Variants in LRRC37A2 observed in about 807,000 individuals in gnomAD.
LRRC37A2 encodes leucine-rich repeat-containing protein 37A2.
In LRRC37A2, 9 loss-of-function variants were observed where a neutral mutation model predicts 68.8. That is an observed-to-expected ratio of 0.13 (90% CI 0.08 to 0.23). LRRC37A2 has a LOEUF of 0.23. LRRC37A2 is among the 10% of genes least tolerant of loss of function. The pLI, the probability that LRRC37A2 is intolerant of heterozygous loss-of-function variation, is 1.00. For missense variants in LRRC37A2, 168 were observed against 950.4 expected (o/e 0.18, Z 10.82); for synonymous variants, 63 against 367.6 (o/e 0.17, Z 9.48).
chr17:46,722,637 A>G, the LRRC37A2 span, among the ~76,000 whole-genome samples: 3 of 152,330 alleles, frequency 2.0e-5, no homozygotes, highest in Non-Finnish European at 4.4e-5. Context: ...TGGGCCAGAA[A>G]GGGTGAAAGG....
At chr17:46,976,949 A>G in the LRRC37A2 span, among the ~76,000 whole-genome samples, 1 of 152,176 alleles carries the variant, frequency 6.6e-6, no homozygotes, top group Non-Finnish European at 1.5e-5. Flanking sequence ...TCCCCCAGAG[A>G]CACTTTACAA....
chr17:46,824,633 A>T, the LRRC37A2 span, among the ~76,000 whole-genome samples: 1 of 152,078 alleles, frequency 6.6e-6, no homozygotes, highest in Non-Finnish European at 1.5e-5. Context: ...CCACAAAGAA[A>T]CTCCCTCCAC....
the LRRC37A2 span, among the ~76,000 whole-genome samples, chr17:46,807,534 C>T: frequency 3.9e-5 from 6 of 152,134 alleles, no homozygotes; most frequent in African/African-American, 1.2e-4. Flanking sequence ...CTGGAATTCT[C>T]ATAACTCAAA....
At chr17:46,733,170 T>C in the LRRC37A2 span, among the ~76,000 whole-genome samples, 9 of 152,288 alleles carry the variant, frequency 5.9e-5, 1 homozygote, top group South Asian at 1.7e-3. Flanking sequence ...TGGGGCTCTT[T>C]TCAAGTTTTG....
the LRRC37A2 span, among the ~76,000 whole-genome samples, chr17:46,976,218 G>T: frequency 6.7e-6 from 1 of 148,338 alleles, no homozygotes; most frequent in Non-Finnish European, 1.5e-5. Context: ...GAGCCACCAC[G>T]CCTGGCGATA....
At chr17:46,821,033 G>A in the LRRC37A2 span, 2 of 152,214 alleles carry the variant, frequency 1.3e-5, no homozygotes, top group African/African-American at 4.8e-5. Flanking sequence ...GGGAGTGTGT[G>A]TTGGCTGAGA....
At chr17:46,935,884 G>C in the LRRC37A2 span, 1 of 985,864 alleles carries the variant, frequency 1.0e-6, no homozygotes, top group Admixed American at 6.1e-5. Context: ...TAGGGCGTGG[G>C]TTCTGTCTGT....
the LRRC37A2 span, among the ~76,000 whole-genome samples, chr17:46,947,717 T>C: frequency 6.6e-6 from 1 of 152,118 alleles, no homozygotes; most frequent in Non-Finnish European, 1.5e-5. Flanking sequence ...AATAACTACC[T>C]CAAGTGGTAG....
At chr17:46,559,309 T>TA, downstream of LRRC37A2, 1 of 3,838 alleles carries the variant, frequency 2.6e-4, no homozygotes, top group African/African-American at 2.9e-3. Flanking sequence ...GCCGAGGCTT[T>TA]AGAGGATGGC....
At chr17:46,760,633 CAAAAAAA>C in the LRRC37A2 span, among the ~76,000 whole-genome samples, 3 of 61,276 alleles carry the variant, frequency 4.9e-5, no homozygotes, top group East Asian at 4.9e-4. Flanking sequence ...GACCCTATCT[CAAAAAAA>C]AAAAAAAAAA....
At chr17:46,900,973 C>T in the LRRC37A2 span, among the ~76,000 whole-genome samples, 60 of 152,130 alleles carry the variant, frequency 3.9e-4, no homozygotes, top group African/African-American at 1.4e-3. Context: ...AAAGCAATGT[C>T]TTTCCCAATC....
At chr17:46,977,023 C>T in the LRRC37A2 span, among the ~76,000 whole-genome samples, 1 of 152,116 alleles carries the variant, frequency 6.6e-6, no homozygotes, top group Non-Finnish European at 1.5e-5. Flanking sequence ...ATTGGGACGA[C>T]CAGGGTTGGG....
chr17:46,602,942 C>A, the LRRC37A2 span, among the ~76,000 whole-genome samples: 82 of 99,038 alleles, frequency 8.3e-4, no homozygotes, highest in Non-Finnish European at 1.5e-3. Context: ...TTTTGATATT[C>A]TCTGCCAAGG....
the LRRC37A2 span, among the ~76,000 whole-genome samples, chr17:46,825,603 G>A: frequency 6.6e-6 from 1 of 152,262 alleles, no homozygotes; most frequent in African/African-American, 2.4e-5. Flanking sequence ...GCAACTCTGT[G>A]TGCAGCTGCC....
At chr17:47,038,379 G>T in the LRRC37A2 span, among the ~76,000 whole-genome samples, 1 of 151,850 alleles carries the variant, frequency 6.6e-6, no homozygotes, top group Non-Finnish European at 1.5e-5. Context: ...ACTTTGGGAG[G>T]CCAAGGAAGG....
chr17:46,381,089 C>CAAAAAAAAAAAAAAAAAAAAAA, the LRRC37A2 span, among the ~76,000 whole-genome samples: 2 of 804 alleles, frequency 2.5e-3, no homozygotes, highest in African/African-American at 2.7e-3. Context: ...GACTCCGTCT[C>CAAAAAAAAAAAAAAAAAAAAAA]AAAAAAAAAA....
the LRRC37A2 span, among the ~76,000 whole-genome samples, chr17:46,954,810 T>C: frequency 1.8e-3 from 278 of 152,360 alleles, no homozygotes; most frequent in South Asian, 3.7e-3. Flanking sequence ...AGTTCACTCA[T>C]GATTTGGCTG....
chr17:46,865,671 G>A, the LRRC37A2 span, among the ~76,000 whole-genome samples: 3 of 152,064 alleles, frequency 2.0e-5, no homozygotes, highest in African/African-American at 4.8e-5. Flanking sequence ...GCTGGAGTGC[G>A]GTGGCGTGAT....
chr17:46,989,702 A>T, the LRRC37A2 span, among the ~76,000 whole-genome samples: 1 of 152,246 alleles, frequency 6.6e-6, no homozygotes, highest in East Asian at 1.9e-4. Context: ...AGCGTAATGT[A>T]AGCAGAGGCT....
Sources: gnomAD v4.1 joint callset for allele counts (sites outside exome capture counted in the v4.1 genomes callset) on GRCh38, gnomAD v4.1.1 for gene constraint, MANE v1.5 for transcripts, NCBI Gene and HGNC (gene_info 2026-07-23, HGNC 2026-07-21) for gene names.